RPS6KC1: variants seen among roughly 807,000 people sequenced by gnomAD.
RPS6KC1 encodes inactive ribosomal protein S6 kinase delta-1.
Under a neutral mutation model 103.8 loss-of-function variants are expected in RPS6KC1, and 54 were observed. The observed-to-expected ratio is 0.52, with a 90% CI of 0.42 to 0.65. The LOEUF (loss-of-function observed/expected upper bound fraction) is 0.65. Ranked by LOEUF, RPS6KC1 falls within the 30% of genes least tolerant of loss-of-function variation. RPS6KC1 has a pLI of 0.00. For synonymous variants in RPS6KC1, 439 were observed against 438.7 expected, an observed-to-expected ratio of 1.00 and a Z score of -0.01; for missense variants, 1,151 against 1,253.8, an observed-to-expected ratio of 0.92 and a Z score of 1.24.
the RPS6KC1 span, among the ~76,000 whole-genome samples, chr1:213,692,400 A>T: frequency 0.016 from 2,368 of 151,934 alleles, 33 homozygotes; most frequent in Middle Eastern, 0.037. Context: ...AAAAAAAAAA[A>T]AAATAAATAA....
the RPS6KC1 span, among the ~76,000 whole-genome samples, chr1:213,597,793 T>G: frequency 1.3e-5 from 2 of 152,122 alleles, no homozygotes; most frequent in Non-Finnish European, 2.9e-5. Flanking sequence ...CTTATTTTGT[T>G]GTTGTTAGGA....
At chr1:213,288,208 C>A in the RPS6KC1 span, among the ~76,000 whole-genome samples, 1 of 152,210 alleles carries the variant, frequency 6.6e-6, no homozygotes, top group East Asian at 1.9e-4. Flanking sequence ...CACACACTTA[C>A]ACATTCTTAC....
the RPS6KC1 span, among the ~76,000 whole-genome samples, chr1:213,638,087 A>G: frequency 3.3e-5 from 5 of 151,980 alleles, no homozygotes; most frequent in South Asian, 2.1e-4. Context: ...CCAAAGTGCT[A>G]GAATTACAGG....
At chr1:213,326,397 C>A in the RPS6KC1 span, among the ~76,000 whole-genome samples, 1 of 152,134 alleles carries the variant, frequency 6.6e-6, no homozygotes. Flanking sequence ...GGAACACAGA[C>A]AAAAGAACAG....
chr1:213,118,032 A>AAAAAAAAAAAAAAAAAAAAAAAAAAAC (rs2083892249), intron 5 of RPS6KC1, among the ~76,000 whole-genome samples: 2 of 148,352 alleles, frequency 1.3e-5, no homozygotes, highest in African/African-American at 2.5e-5. Flanking sequence ...AAAAAAAAAA[A>AAAAAAAAAAAAAAAAAAAAAAAAAAAC]AAAAAAAGCC....
the RPS6KC1 span, among the ~76,000 whole-genome samples, chr1:213,749,412 G>T: frequency 1.3e-5 from 2 of 152,256 alleles, no homozygotes; most frequent in African/African-American, 4.8e-5. Context: ...GAGAGGTTTT[G>T]GTAATTGAGG....
chr1:213,202,855 A>G (rs976765583), intron 8 of RPS6KC1, among the ~76,000 whole-genome samples: 1 of 152,234 alleles, frequency 6.6e-6, no homozygotes. Flanking sequence ...TGGGAAACAT[A>G]TAACATTATT....
chr1:213,219,179 C>T (rs559677674), intron 8 of RPS6KC1, among the ~76,000 whole-genome samples: 1 of 152,068 alleles, frequency 6.6e-6, no homozygotes, highest in Non-Finnish European at 1.5e-5. Context: ...AAATGTAACC[C>T]CATCAACAAG....
the RPS6KC1 span, among the ~76,000 whole-genome samples, chr1:213,568,861 T>A: frequency 6.6e-6 from 1 of 151,986 alleles, no homozygotes; most frequent in African/African-American, 2.4e-5. Flanking sequence ...GAATTGTGAG[T>A]CAAGGAGAAA....
the RPS6KC1 span, among the ~76,000 whole-genome samples, chr1:213,711,661 G>A: frequency 6.6e-6 from 1 of 152,082 alleles, no homozygotes; most frequent in Admixed American, 6.6e-5. Context: ...TCTACCTTTG[G>A]TCTTTGCTGT....
the RPS6KC1 span, among the ~76,000 whole-genome samples, chr1:213,790,522 G>C: frequency 6.6e-6 from 1 of 151,976 alleles, no homozygotes; most frequent in Non-Finnish European, 1.5e-5. Context: ...CATCTGTCCA[G>C]GTAAAAAGAA....
the RPS6KC1 span, among the ~76,000 whole-genome samples, chr1:213,541,579 A>T: frequency 6.6e-6 from 1 of 152,212 alleles, no homozygotes; most frequent in Non-Finnish European, 1.5e-5. Flanking sequence ...GATTAAAAAA[A>T]AATCCACAAT....
At chr1:213,465,827 C>T in the RPS6KC1 span, among the ~76,000 whole-genome samples, 1 of 152,132 alleles carries the variant, frequency 6.6e-6, no homozygotes, top group Non-Finnish European at 1.5e-5. Flanking sequence ...TTGAGAGACT[C>T]TCCTAGGCCC....
the RPS6KC1 span, among the ~76,000 whole-genome samples, chr1:213,495,576 C>T: frequency 6.6e-6 from 1 of 152,206 alleles, no homozygotes; most frequent in Non-Finnish European, 1.5e-5. Context: ...CTGCCTTGGT[C>T]TCCCAAAGTG....
At chr1:213,251,993 T>C (rs1392017221) in intron 12 of RPS6KC1, among the ~76,000 whole-genome samples, 1 of 152,236 alleles carries the variant, frequency 6.6e-6, no homozygotes, top group Admixed American at 6.5e-5. Context: ...ATTTATAGAA[T>C]GGTAGTTTTC....
At chr1:213,354,380 T>TC in the RPS6KC1 span, among the ~76,000 whole-genome samples, 1 of 152,170 alleles carries the variant, frequency 6.6e-6, no homozygotes, top group Non-Finnish European at 1.5e-5. Context: ...GTGTATGAAC[T>TC]CATTGAAACT....
intron 6 of RPS6KC1, among the ~76,000 whole-genome samples, chr1:213,141,127 C>T (rs144193119): frequency 0.01 from 1,561 of 152,134 alleles, 25 homozygotes; most frequent in African/African-American, 0.036. Flanking sequence ...AAACTCCTGA[C>T]CTCAGGTGAT....
At chr1:213,806,337 A>G in the RPS6KC1 span, among the ~76,000 whole-genome samples, 1 of 152,166 alleles carries the variant, frequency 6.6e-6, no homozygotes, top group Non-Finnish European at 1.5e-5. Context: ...GTCTCAAAAT[A>G]AATAAATAAA....
At chr1:213,842,134 G>A in the RPS6KC1 span, 1 of 152,286 alleles carries the variant, frequency 6.6e-6, no homozygotes, top group Non-Finnish European at 1.5e-5. Context: ...GGTTGGATGT[G>A]ATCGCTCCAT....
Sources: allele counts gnomAD v4.1 joint callset (sites outside exome capture counted in the v4.1 genomes callset), GRCh38; gene constraint gnomAD v4.1.1; transcripts MANE v1.5; gene names NCBI Gene and HGNC (gene_info 2026-07-23, HGNC 2026-07-21).